Variants in CADM2 observed in about 807,000 individuals in gnomAD.
CADM2 encodes immunoglobulin superfamily member 4D.
CADM2 carries 12 observed loss-of-function variants against 49.8 expected under a neutral mutation model. The ratio of observed to expected loss-of-function variants is 0.24; its 90% CI spans 0.15 to 0.39. The LOEUF (loss-of-function observed/expected upper bound fraction) is 0.39. Among genes scored for constraint, CADM2 ranks in the 10% least tolerant of loss-of-function variants. The pLI is 1.00. For missense variants in CADM2, 378 were observed against 492.3 expected, an observed-to-expected ratio of 0.77 and a Z score of 2.20; for synonymous variants, 214 against 175.4, an observed-to-expected ratio of 1.22 and a Z score of -1.74.
At chr3:85,420,389 A>G (rs757239287) in intron 1 of CADM2, among the ~76,000 whole-genome samples, 2 of 152,236 alleles carry the variant, frequency 1.3e-5, no homozygotes, top group South Asian at 4.1e-4. Context: ...CTTAGAAAAG[A>G]ATGCATGAGA....
chr3:86,058,032 C>T (rs1180630450), intron 8 of CADM2, among the ~76,000 whole-genome samples: 1 of 152,178 alleles, frequency 6.6e-6, no homozygotes. Context: ...TGAGTACGTA[C>T]TTTACATACA....
intron 1 of CADM2, among the ~76,000 whole-genome samples, chr3:85,629,574 G>A (rs1255825318): frequency 2.0e-5 from 3 of 151,964 alleles, no homozygotes; most frequent in African/African-American, 4.8e-5. Flanking sequence ...TGGCCTCCAA[G>A]ATGTCAGCCA....
chr3:85,030,089 C>T (rs909809408), intron 1 of CADM2, among the ~76,000 whole-genome samples: 3 of 152,168 alleles, frequency 2.0e-5, no homozygotes, highest in Non-Finnish European at 2.9e-5. Context: ...GTCCCCAGGA[C>T]GTAATCGTTT....
intron 1 of CADM2, among the ~76,000 whole-genome samples, chr3:84,973,393 C>T (rs892808203): frequency 6.6e-6 from 1 of 152,180 alleles, no homozygotes; most frequent in Non-Finnish European, 1.5e-5. Context: ...CTCATTTCCT[C>T]CAGTCGTTTA....
At chr3:85,374,020 G>T (rs929677954) in intron 1 of CADM2, among the ~76,000 whole-genome samples, 1 of 152,034 alleles carries the variant, frequency 6.6e-6, no homozygotes, top group African/African-American at 2.4e-5. Flanking sequence ...ATAACATTTG[G>T]CTCCTCATTA....
At chr3:86,039,333 G>C (rs1440983201) in intron 8 of CADM2, among the ~76,000 whole-genome samples, 1 of 148,852 alleles carries the variant, frequency 6.7e-6, no homozygotes, top group Admixed American at 6.7e-5. Context: ...CCCTTTCCTA[G>C]TCAAAGAAAG....
chr3:85,926,307 A>C (rs571694427), intron 6 of CADM2, among the ~76,000 whole-genome samples: 6 of 152,150 alleles, frequency 3.9e-5, no homozygotes, highest in African/African-American at 1.4e-4. Flanking sequence ...GATGTTTAGC[A>C]GCACTCCTGG....
At chr3:85,897,067 T>G (rs913192070) in intron 5 of CADM2, among the ~76,000 whole-genome samples, 4 of 151,992 alleles carry the variant, frequency 2.6e-5, no homozygotes, top group Non-Finnish European at 5.9e-5. Context: ...TAATAGGTAT[T>G]TAGGAAAGAA....
intron 1 of CADM2, among the ~76,000 whole-genome samples, chr3:84,961,849 G>A (rs1405046675): frequency 6.6e-6 from 1 of 152,110 alleles, no homozygotes; most frequent in Non-Finnish European, 1.5e-5. Context: ...ACTTGGGGTC[G>A]CCTCCTCTCT....
intron 1 of CADM2, among the ~76,000 whole-genome samples, chr3:85,396,039 C>T (rs1254200290): frequency 6.7e-6 from 1 of 148,846 alleles, no homozygotes; most frequent in Non-Finnish European, 1.5e-5. Context: ...ATTTAATTAT[C>T]ATAATGATAA....
At chr3:85,602,021 C>T (rs995319830) in intron 1 of CADM2, among the ~76,000 whole-genome samples, 2 of 151,778 alleles carry the variant, frequency 1.3e-5, no homozygotes, top group South Asian at 2.1e-4. Flanking sequence ...AACATTGTTC[C>T]GTTCAGTGGC....
chr3:85,918,277 A>G (rs1228593809), intron 6 of CADM2, among the ~76,000 whole-genome samples: 1 of 152,110 alleles, frequency 6.6e-6, no homozygotes, highest in Non-Finnish European at 1.5e-5. Context: ...TCAGTATGAT[A>G]TTGGCTGTGG....
intron 8 of CADM2, among the ~76,000 whole-genome samples, chr3:86,050,489 A>C (rs1737205611): frequency 6.6e-6 from 1 of 152,168 alleles, no homozygotes; most frequent in African/African-American, 2.4e-5. Context: ...GCAGTGCCCC[A>C]GTGGGGACTC....
chr3:85,491,678 A>G (rs1487238710), intron 1 of CADM2, among the ~76,000 whole-genome samples: 1 of 152,124 alleles, frequency 6.6e-6, no homozygotes, highest in African/African-American at 2.4e-5. Context: ...TGGGCCGGGC[A>G]CGGTGGCTCA....
intron 1 of CADM2, among the ~76,000 whole-genome samples, chr3:85,424,194 T>C (rs2036295925): frequency 6.6e-6 from 1 of 152,118 alleles, no homozygotes; most frequent in Non-Finnish European, 1.5e-5. Context: ...ACATTTAAAA[T>C]GTTACACATC....
chr3:85,796,868 G>T (rs978861307), intron 2 of CADM2, among the ~76,000 whole-genome samples: 5 of 152,030 alleles, frequency 3.3e-5, no homozygotes, highest in African/African-American at 1.2e-4. Context: ...AGGCCAAGAT[G>T]GGCTTATCAC....
chr3:84,960,567 C>A (rs1286705338), intron 1 of CADM2: 1 of 152,070 alleles, frequency 6.6e-6, no homozygotes, highest in Non-Finnish European at 1.5e-5. Context: ...CCTACCTCTC[C>A]ATCCTCTCTC....
intron 1 of CADM2, among the ~76,000 whole-genome samples, chr3:85,475,133 T>C (rs1385500485): frequency 6.6e-6 from 1 of 151,962 alleles, no homozygotes; most frequent in African/African-American, 2.4e-5. Flanking sequence ...TCTGGTGTTT[T>C]GTGGCAATAT....
intron 1 of CADM2, among the ~76,000 whole-genome samples, chr3:85,461,676 T>G (rs1290428130): frequency 6.6e-6 from 1 of 152,146 alleles, no homozygotes; most frequent in African/African-American, 2.4e-5. Context: ...ACCTTTCATT[T>G]TTAACTCCTA....
Sources: gnomAD v4.1 joint callset for allele counts (sites outside exome capture counted in the v4.1 genomes callset) on GRCh38, gnomAD v4.1.1 for gene constraint, MANE v1.5 for transcripts, NCBI Gene and HGNC (gene_info 2026-07-23, HGNC 2026-07-21) for gene names.